The following LPAR1 variants were observed in gnomAD, a reference collection of about 807,000 sequenced individuals.
LPAR1 encodes lysophosphatidic acid receptor 1, also known as LPA receptor 1.
A neutral mutation model predicts 23.8 loss-of-function variants in LPAR1; 5 were observed. That is an observed-to-expected ratio of 0.21 (90% CI 0.11 to 0.44). The LOEUF (loss-of-function observed/expected upper bound fraction) is 0.44. LPAR1 is among the 20% of genes least tolerant of loss of function. The pLI, the probability that LPAR1 is intolerant of heterozygous loss-of-function variation, is 0.99. For synonymous variants in LPAR1, 160 were observed against 164.7 expected, an observed-to-expected ratio of 0.97 and a Z score of 0.22; for missense variants, 311 against 482.8, an observed-to-expected ratio of 0.64 and a Z score of 3.33.
chr9:110,955,185 C>A (rs1336892292), intron 4 of LPAR1, among the ~76,000 whole-genome samples: 1 of 152,136 alleles, frequency 6.6e-6, no homozygotes, highest in African/African-American at 2.4e-5. Flanking sequence ...CTGTTACCCA[C>A]AAGAAACTCA....
chr9:110,980,627 G>A (rs1259582154), intron 2 of LPAR1, among the ~76,000 whole-genome samples: 1 of 151,698 alleles, frequency 6.6e-6, no homozygotes, highest in African/African-American at 2.4e-5. Context: ...AGGAAGCCTA[G>A]GGGACAGGGA....
chr9:111,010,303 C>T (rs2097308905), intron 2 of LPAR1, among the ~76,000 whole-genome samples: 1 of 151,994 alleles, frequency 6.6e-6, no homozygotes, highest in Non-Finnish European at 1.5e-5. Context: ...TTAACAGTGG[C>T]TGTTCCTGGT....
At chr9:110,875,777 A>G in intron 5 of LPAR1, 55 bp from the exon 6 acceptor site, 1 of 957,348 alleles carries the variant, frequency 1.0e-6, no homozygotes, top group East Asian at 2.6e-5. Context: ...ATGAAAAAAT[A>G]TTATAAAACA....
chr9:111,029,793 G>A lies in LPAR1; in HGVS notation c.-182+6329C>T, dbSNP rs545004573. 1.0e-3 allele frequency among the ~76,000 whole-genome samples: 157 copies of A among 151,974 alleles called. 1 individual carries two copies. The highest frequency in any genetic ancestry group is 1.5e-3 in the Admixed American group (23 of 15,260). On this transcript the variant is annotated intron_variant, in intron 2 of 5. Coordinates refer to ENST00000683809, the MANE Select transcript of LPAR1 (RefSeq NM_001351411.2). Reference sequence around the variant, plus strand: ...AGGCCAGGCACGGTGGCTTGGGCCTGTAAACCCAGCACTTTGAGAGGCCGA... The same window carrying A: ...AGGCCAGGCACGGTGGCTTGGGCCTATAAACCCAGCACTTTGAGAGGCCGA...
At chr9:110,970,752 A>G (rs2096392133) in intron 4 of LPAR1, among the ~76,000 whole-genome samples, 1 of 152,182 alleles carries the variant, frequency 6.6e-6, no homozygotes, top group Non-Finnish European at 1.5e-5. Context: ...CTGCAAAATC[A>G]TACTGAAAAA....
At chr9:110,959,695 C>A (rs2095887588) in intron 4 of LPAR1, among the ~76,000 whole-genome samples, 1 of 152,100 alleles carries the variant, frequency 6.6e-6, no homozygotes. Context: ...TACCTGCATT[C>A]ATGTGTTACC....
chr9:110,914,781 AG>A (rs981131006), intron 5 of LPAR1, among the ~76,000 whole-genome samples: 1 of 147,826 alleles, frequency 6.8e-6, no homozygotes, highest in Non-Finnish European at 1.5e-5. Flanking sequence ...TAAAGACTCA[AG>A]GGGGGAAAAA....
intron 5 of LPAR1, among the ~76,000 whole-genome samples, chr9:110,899,081 G>A (rs941250309): frequency 1.3e-5 from 2 of 152,088 alleles, no homozygotes; most frequent in African/African-American, 4.8e-5. Context: ...TTGCTCTGGA[G>A]AATTAATGTT....
upstream of LPAR1, chr9:111,038,722 T>C (rs1564409603): frequency 1.6e-5 from 7 of 449,054 alleles, no homozygotes; most frequent in Non-Finnish European, 3.1e-5. This position sits in a 1 kb window ranked among gnomAD's most constrained non-coding sequence, Gnocchi z 4.4. Flanking sequence ...CAGCCCACGG[T>C]GGTGGCAGGG....
At chr9:110,998,073 C>A (rs1018837720) in intron 2 of LPAR1, among the ~76,000 whole-genome samples, 12 of 152,106 alleles carry the variant, frequency 7.9e-5, no homozygotes, top group Non-Finnish European at 1.8e-4. Flanking sequence ...GGGGTGGATC[C>A]AAGAATTTGC....
At chr9:110,936,228 A>C (rs1419751219) in intron 5 of LPAR1, among the ~76,000 whole-genome samples, 1 of 152,252 alleles carries the variant, frequency 6.6e-6, no homozygotes, top group Non-Finnish European at 1.5e-5. Context: ...TTAGCACACA[A>C]TTGGCACTCA....
intron 2 of LPAR1, among the ~76,000 whole-genome samples, chr9:111,014,578 C>T (rs573959186): frequency 6.6e-6 from 1 of 152,186 alleles, no homozygotes; most frequent in African/African-American, 2.4e-5. Context: ...AGGTGTCTGC[C>T]CTGGCCTCTC....
chr9:110,881,536 A>G (rs184122826), intron 5 of LPAR1, among the ~76,000 whole-genome samples: 24 of 152,216 alleles, frequency 1.6e-4, no homozygotes, highest in African/African-American at 5.8e-4. Flanking sequence ...GCGCACGTAC[A>G]AGTTCCATAC....
intron 2 of LPAR1, among the ~76,000 whole-genome samples, chr9:111,016,176 C>T (rs917933): frequency 0.22 from 33,770 of 151,952 alleles, 5,420 homozygotes; most frequent in African/African-American, 0.46. Flanking sequence ...CTATTCCCCA[C>T]CCAGATTAAT....
At chr9:110,913,721 C>A (rs2092738310) in intron 5 of LPAR1, among the ~76,000 whole-genome samples, 1 of 152,128 alleles carries the variant, frequency 6.6e-6, no homozygotes, top group Non-Finnish European at 1.5e-5. Context: ...AAAGGACAGG[C>A]TGCAATGTGA....
intron 5 of LPAR1, among the ~76,000 whole-genome samples, chr9:110,918,901 T>C (rs2093407084): frequency 6.6e-6 from 1 of 152,008 alleles, no homozygotes; most frequent in African/African-American, 2.4e-5. Context: ...TTTTTTTCCA[T>C]CTGTACTCAA....
chr9:110,914,451 C>A (rs2092827853), intron 5 of LPAR1, among the ~76,000 whole-genome samples: 1 of 152,156 alleles, frequency 6.6e-6, no homozygotes, highest in African/African-American at 2.4e-5. Context: ...TCACTACCAC[C>A]AGAACAGCAC....
intron 2 of LPAR1, among the ~76,000 whole-genome samples, chr9:110,995,396 C>T (rs1588745699): frequency 6.6e-6 from 1 of 152,160 alleles, no homozygotes; most frequent in East Asian, 1.9e-4. Flanking sequence ...GAAAATAAGA[C>T]CTGTGGAATA....
intron 4 of LPAR1, among the ~76,000 whole-genome samples, chr9:110,951,387 A>G (rs1248529869): frequency 6.6e-6 from 1 of 152,166 alleles, no homozygotes. Context: ...AGAAACACAC[A>G]TAAGAAAGAC....
Sources: gnomAD v4.1 joint callset for allele counts (sites outside exome capture counted in the v4.1 genomes callset) on GRCh38, gnomAD v4.1.1 for gene constraint, Gnocchi (gnomAD v3.1) non-coding constraint, MANE v1.5 for transcripts, NCBI Gene and HGNC (gene_info 2026-07-23, HGNC 2026-07-21) for gene names.